MAGI2: variants seen among roughly 807,000 people sequenced by gnomAD.
The protein encoded by MAGI2 is membrane associated guanylate kinase, WW and PDZ domain containing 2.
A neutral mutation model predicts 133.3 loss-of-function variants in MAGI2; 35 were observed. That is an observed-to-expected ratio of 0.26 (90% CI 0.20 to 0.35). The LOEUF (loss-of-function observed/expected upper bound fraction) is 0.35, where lower values mean the gene tolerates loss of function less well. MAGI2 is among the 10% of genes least tolerant of loss of function. The probability of loss-of-function intolerance (pLI) is 1.00; values close to 1 mark genes in which losing one functional copy is unlikely to be tolerated. For missense variants in MAGI2, 1,636 were observed against 1,863.4 expected (o/e 0.88, Z 2.25); for synonymous variants, 729 against 710.6 (o/e 1.03, Z -0.41).
At chr7:78,765,855 C>G (rs1052045506) in intron 2 of MAGI2, among the ~76,000 whole-genome samples, 3 of 151,840 alleles carry the variant, frequency 2.0e-5, no homozygotes, top group African/African-American at 7.3e-5. Context: ...GCATGAGAAG[C>G]CTGGAGCACA....
At chr7:79,289,500 G>A (rs1483041208) in intron 1 of MAGI2, among the ~76,000 whole-genome samples, 1 of 152,030 alleles carries the variant, frequency 6.6e-6, no homozygotes, top group African/African-American at 2.4e-5. Context: ...TAACAGATGA[G>A]GCACTCATAC....
chr7:79,043,145 T>G (rs1421168558), intron 1 of MAGI2, among the ~76,000 whole-genome samples: 1 of 151,698 alleles, frequency 6.6e-6, no homozygotes, highest in East Asian at 1.9e-4. Context: ...GATCTTAAAT[T>G]AACAGCCTAA....
chr7:78,937,251 T>A (rs1301207308), intron 2 of MAGI2, among the ~76,000 whole-genome samples: 1 of 151,876 alleles, frequency 6.6e-6, no homozygotes, highest in Non-Finnish European at 1.5e-5. Flanking sequence ...TAGTAATGAG[T>A]TATAAACCAT....
chr7:79,057,015 T>TG (rs1813209007), intron 1 of MAGI2, among the ~76,000 whole-genome samples: 1 of 152,168 alleles, frequency 6.6e-6, no homozygotes, highest in African/African-American at 2.4e-5. Flanking sequence ...CCTCCTGTGG[T>TG]GGGGTCAGTA....
At chr7:78,200,104 A>G (rs902343855) in intron 11 of MAGI2, among the ~76,000 whole-genome samples, 1 of 152,222 alleles carries the variant, frequency 6.6e-6, no homozygotes, top group Non-Finnish European at 1.5e-5. Context: ...TGCTAAGCTT[A>G]AATAGGACTG....
At chr7:79,052,080 G>A (rs1294018133) in intron 1 of MAGI2, among the ~76,000 whole-genome samples, 2 of 152,138 alleles carry the variant, frequency 1.3e-5, no homozygotes, top group Non-Finnish European at 2.9e-5. Context: ...GAGTGGGAAT[G>A]TGAGAAGCCA....
At chr7:78,668,567 T>A in intron 2 of MAGI2, among the ~76,000 whole-genome samples, 1 of 151,734 alleles carries the variant, frequency 6.6e-6, no homozygotes, top group East Asian at 1.9e-4. Flanking sequence ...AATTAATTTT[T>A]GTATAAGGTG....
At chr7:78,298,547 A>C (rs1797523895) in intron 9 of MAGI2, among the ~76,000 whole-genome samples, 2 of 152,210 alleles carry the variant, frequency 1.3e-5, no homozygotes, top group Admixed American at 6.5e-5. Context: ...TCTGTCACCC[A>C]GCATGAAATG....
At chr7:79,436,636 C>A (rs1848165731) in intron 1 of MAGI2, among the ~76,000 whole-genome samples, 1 of 152,018 alleles carries the variant, frequency 6.6e-6, no homozygotes, top group Non-Finnish European at 1.5e-5. Flanking sequence ...GCAAATAAAA[C>A]CACAATGATA....
intron 1 of MAGI2, among the ~76,000 whole-genome samples, chr7:79,175,287 C>G (rs1825993747): frequency 6.6e-6 from 1 of 151,738 alleles, no homozygotes; most frequent in South Asian, 2.1e-4. Context: ...TTTCAATTTT[C>G]TTCTTTATAT....
intron 3 of MAGI2, chr7:78,616,548 A>G (rs1584857275): frequency 6.6e-6 from 1 of 151,756 alleles, no homozygotes; most frequent in African/African-American, 2.4e-5. Flanking sequence ...AAACCACACT[A>G]TGGGAATGGC....
chr7:78,445,376 A>G (rs1264437885), intron 6 of MAGI2, among the ~76,000 whole-genome samples: 1 of 152,108 alleles, frequency 6.6e-6, no homozygotes, highest in African/African-American at 2.4e-5. Flanking sequence ...TGAATTCTTT[A>G]TACTGATCCA....
chr7:78,838,312 G>C (rs1324410727), intron 2 of MAGI2, among the ~76,000 whole-genome samples: 1 of 151,924 alleles, frequency 6.6e-6, no homozygotes, highest in Non-Finnish European at 1.5e-5. Flanking sequence ...GTTGCCACTG[G>C]CCTTCATCAC....
At chr7:79,051,460 C>A (rs1328958067) in intron 1 of MAGI2, among the ~76,000 whole-genome samples, 2 of 152,200 alleles carry the variant, frequency 1.3e-5, no homozygotes, top group Non-Finnish European at 2.9e-5. Flanking sequence ...TAGCTCATAG[C>A]TCAGTGCAAC....
At chr7:78,836,115 G>A (rs895019426) in intron 2 of MAGI2, among the ~76,000 whole-genome samples, 20 of 152,182 alleles carry the variant, frequency 1.3e-4, no homozygotes, top group Non-Finnish European at 1.0e-4. Context: ...TTTAATAGAT[G>A]TGTTGGTAAC....
intron 1 of MAGI2, among the ~76,000 whole-genome samples, chr7:79,028,279 ATATATATATATATGTG>A (rs1810176745): frequency 4.8e-5 from 2 of 41,994 alleles, no homozygotes; most frequent in African/African-American, 8.9e-5. Flanking sequence ...GTATGTATGT[ATATATATATATATGTG>A]TGTATATATA....
chr7:79,056,257 G>A (rs765874008), intron 1 of MAGI2, among the ~76,000 whole-genome samples: 19 of 152,162 alleles, frequency 1.2e-4, no homozygotes, highest in African/African-American at 3.4e-4. Context: ...GCATGGTTGC[G>A]CATGCCCGTA....
chr7:79,269,995 A>C (rs1834760206), intron 1 of MAGI2, among the ~76,000 whole-genome samples: 1 of 152,118 alleles, frequency 6.6e-6, no homozygotes. Flanking sequence ...CCTATAAAAA[A>C]CATCACTTCT....
intron 6 of MAGI2, among the ~76,000 whole-genome samples, chr7:78,439,900 C>T (rs1047747046): frequency 6.6e-6 from 1 of 152,076 alleles, no homozygotes; most frequent in Non-Finnish European, 1.5e-5. Context: ...TGGGAGCCAC[C>T]AGCCACATGT....
Sources: allele counts gnomAD v4.1 joint callset (sites outside exome capture counted in the v4.1 genomes callset), GRCh38; gene constraint gnomAD v4.1.1; transcripts MANE v1.5; gene names NCBI Gene and HGNC (gene_info 2026-07-23, HGNC 2026-07-21).